The following NKAIN2 variants were observed in gnomAD, a reference collection of about 807,000 sequenced individuals.
NKAIN2 encodes sodium/potassium transporting ATPase interacting 2, also known as sodium/potassium-transporting ATPase subunit beta-1-interacting protein 2.
In NKAIN2, 14 loss-of-function variants were observed where a neutral mutation model predicts 32.6. The ratio of observed to expected loss-of-function variants is 0.43; its 90% CI spans 0.28 to 0.67. NKAIN2 has a LOEUF of 0.67. NKAIN2 is among the 30% of genes least tolerant of loss of function. The pLI, the probability that NKAIN2 is intolerant of heterozygous loss-of-function variation, is 0.17. For synonymous variants in NKAIN2, 80 were observed against 87.2 expected (o/e 0.92, Z 0.46); for missense variants, 198 against 258.3 (o/e 0.77, Z 1.60).
chr6:124,572,693 T>C (rs1583458769), intron 3 of NKAIN2, among the ~76,000 whole-genome samples: 2 of 151,412 alleles, frequency 1.3e-5, no homozygotes, highest in Non-Finnish European at 2.9e-5. Flanking sequence ...CATGACTGTA[T>C]AGAGTTCATC....
At chr6:123,976,358 T>G (rs1778608005) in intron 1 of NKAIN2, among the ~76,000 whole-genome samples, 1 of 35,226 alleles carries the variant, frequency 2.8e-5, no homozygotes, top group Non-Finnish European at 5.1e-5. Flanking sequence ...CATATATATA[T>G]ATATATATAT....
intron 1 of NKAIN2, among the ~76,000 whole-genome samples, chr6:123,955,038 A>G (rs1395616302): frequency 6.6e-6 from 1 of 152,030 alleles, no homozygotes; most frequent in Non-Finnish European, 1.5e-5. Flanking sequence ...AAAGAGAGAA[A>G]TAGGGATAAA....
chr6:124,753,856 G>A (rs1313354072), intron 4 of NKAIN2, among the ~76,000 whole-genome samples: 1 of 152,056 alleles, frequency 6.6e-6, no homozygotes, highest in Admixed American at 6.6e-5. Flanking sequence ...CCCTAATAAA[G>A]AGGTCTTTTA....
At chr6:124,592,048 T>C (rs981861491) in intron 3 of NKAIN2, among the ~76,000 whole-genome samples, 1 of 152,196 alleles carries the variant, frequency 6.6e-6, no homozygotes, top group Non-Finnish European at 1.5e-5. Context: ...ATACACTTTC[T>C]ATACCAACTT....
chr6:123,976,686 T>A (rs1171493478), intron 1 of NKAIN2, among the ~76,000 whole-genome samples: 1 of 151,894 alleles, frequency 6.6e-6, no homozygotes, highest in African/African-American at 2.4e-5. Flanking sequence ...AGTTAACATA[T>A]AAAATTAACT....
At chr6:124,008,341 CTT>C (rs1780170159) in intron 1 of NKAIN2, among the ~76,000 whole-genome samples, 2 of 152,008 alleles carry the variant, frequency 1.3e-5, no homozygotes. Flanking sequence ...AATGTAAACA[CTT>C]TTGTTCAAGG....
chr6:124,799,156 A>T (rs1053375416), intron 5 of NKAIN2, among the ~76,000 whole-genome samples: 17 of 152,238 alleles, frequency 1.1e-4, no homozygotes, highest in African/African-American at 3.9e-4. Flanking sequence ...CACCTGAGAC[A>T]GATGCTACAT....
intron 1 of NKAIN2, among the ~76,000 whole-genome samples, chr6:124,217,556 A>T (rs1791545945): frequency 6.6e-6 from 1 of 152,006 alleles, no homozygotes; most frequent in Admixed American, 6.6e-5. Context: ...ACATTTCTTT[A>T]TGTCTATTTT....
intron 1 of NKAIN2, among the ~76,000 whole-genome samples, chr6:124,227,766 A>C (rs1191115758): frequency 6.6e-6 from 1 of 152,196 alleles, no homozygotes; most frequent in African/African-American, 2.4e-5. Flanking sequence ...TACAGAAGGT[A>C]ATGCCTCATA....
chr6:123,872,472 T>C (rs1485022543), intron 1 of NKAIN2, among the ~76,000 whole-genome samples: 1 of 152,248 alleles, frequency 6.6e-6, no homozygotes. Context: ...ATCCAGCAGC[T>C]TGAGGTACCT....
chr6:124,609,841 A>T (rs1006256025), intron 3 of NKAIN2, among the ~76,000 whole-genome samples: 8 of 152,090 alleles, frequency 5.3e-5, no homozygotes, highest in African/African-American at 1.9e-4. Context: ...AGACTGCCTG[A>T]ATTTGCTCTC....
chr6:124,322,188 T>C (rs535738188), intron 2 of NKAIN2, among the ~76,000 whole-genome samples: 1 of 152,302 alleles, frequency 6.6e-6, no homozygotes, highest in East Asian at 1.9e-4. Context: ...AATGTTTATT[T>C]AATAAGAAAA....
At chr6:124,489,164 G>A (rs1056557480) in intron 3 of NKAIN2, among the ~76,000 whole-genome samples, 4 of 151,866 alleles carry the variant, frequency 2.6e-5, no homozygotes, top group Non-Finnish European at 5.9e-5. Flanking sequence ...GAGATGAGAT[G>A]TGTTTTGTTC....
At chr6:124,481,805 G>A (rs1037577191) in intron 3 of NKAIN2, among the ~76,000 whole-genome samples, 5 of 152,004 alleles carry the variant, frequency 3.3e-5, no homozygotes, top group Non-Finnish European at 7.4e-5. Flanking sequence ...TGTTTCTATA[G>A]ATCATGCATG....
chr6:124,008,940 T>C (rs1780198495), intron 1 of NKAIN2, among the ~76,000 whole-genome samples: 1 of 152,194 alleles, frequency 6.6e-6, no homozygotes. Flanking sequence ...GCTGTGACTA[T>C]TATTGGAGAA....
chr6:124,455,644 T>C (rs2114633443), intron 3 of NKAIN2, among the ~76,000 whole-genome samples: 1 of 151,922 alleles, frequency 6.6e-6, no homozygotes, highest in Admixed American at 6.6e-5. Flanking sequence ...ATGAAAGTAA[T>C]TTTTGCCATA....
chr6:124,703,064 C>T (rs949877578), intron 4 of NKAIN2, among the ~76,000 whole-genome samples: 7 of 152,024 alleles, frequency 4.6e-5, no homozygotes, highest in African/African-American at 1.7e-4. Context: ...CTACTTGTTT[C>T]CATCATTCTA....
intron 1 of NKAIN2, among the ~76,000 whole-genome samples, chr6:123,835,103 T>A (rs750091034): frequency 6.6e-5 from 10 of 152,228 alleles, no homozygotes; most frequent in Non-Finnish European, 1.3e-4. Flanking sequence ...ATTCTCTGCT[T>A]CTATCCTCAT....
At chr6:124,403,439 T>C (rs774248941) in intron 3 of NKAIN2, among the ~76,000 whole-genome samples, 137 of 152,208 alleles carry the variant, frequency 9.0e-4, no homozygotes, top group Non-Finnish European at 1.7e-3. Context: ...CAGTAGCTTT[T>C]ACTTCCTTTT....
Sources: allele counts gnomAD v4.1 joint callset (sites outside exome capture counted in the v4.1 genomes callset), GRCh38; gene constraint gnomAD v4.1.1; transcripts MANE v1.5; gene names NCBI Gene and HGNC (gene_info 2026-07-23, HGNC 2026-07-21).